PRKG1: variants seen among roughly 807,000 people sequenced by gnomAD.
The protein encoded by PRKG1 is protein kinase cGMP-dependent 1.
Under a neutral mutation model 88.1 loss-of-function variants are expected in PRKG1, and 35 were observed. The ratio of observed to expected loss-of-function variants is 0.40; its 90% CI spans 0.30 to 0.53. PRKG1 has a LOEUF of 0.53. PRKG1 is among the 20% of genes least tolerant of loss of function. PRKG1 has a pLI of 0.59. For missense variants in PRKG1, 540 were observed against 839.8 expected, an observed-to-expected ratio of 0.64 and a Z score of 4.41; for synonymous variants, 303 against 292.5, an observed-to-expected ratio of 1.04 and a Z score of -0.37.
chr10:51,652,223 G>A (rs939555779), intron 3 of PRKG1, among the ~76,000 whole-genome samples: 7 of 151,774 alleles, frequency 4.6e-5, no homozygotes, highest in African/African-American at 1.2e-4. Context: ...GATAGTTAAC[G>A]AAAGGATTCC....
chr10:51,969,314 C>A (rs1191123070), intron 5 of PRKG1, among the ~76,000 whole-genome samples: 2 of 152,054 alleles, frequency 1.3e-5, no homozygotes. Context: ...TGCCTCATAA[C>A]TTTGTGAGAA....
chr10:51,041,517 A>C (rs1453434693), intron 1 of PRKG1, among the ~76,000 whole-genome samples: 2 of 152,150 alleles, frequency 1.3e-5, no homozygotes, highest in African/African-American at 2.4e-5. Context: ...TTCAGGATCC[A>C]GTGGCTCTTT....
At chr10:51,813,217 AG>A (rs1177056445) in intron 4 of PRKG1, among the ~76,000 whole-genome samples, 3 of 152,236 alleles carry the variant, frequency 2.0e-5, no homozygotes, top group Non-Finnish European at 4.4e-5. Flanking sequence ...TTAGCAAAAA[AG>A]CATAAAGTAA....
rs574208418 is a variant in PRKG1, at chr10:51,590,026, A to G, written c.592+122190A>G. Among the ~76,000 whole-genome samples the G allele has an allele frequency of 1.1e-4, 16 of 152,292 alleles. No individual in the cohort carries two copies. In the East Asian group the frequency reaches 1.7e-3, roughly 17 times the overall value. On this transcript the variant is annotated intron_variant, in intron 3 of 17. Transcript: ENST00000373980. ...AGCCTGCTTACTGTTGGGAGAAAGTAGGTTAGATAAATTCACAAGGTCATT... is the reference window on the plus strand; with the variant it reads ...AGCCTGCTTACTGTTGGGAGAAAGTGGGTTAGATAAATTCACAAGGTCATT...
intron 2 of PRKG1, among the ~76,000 whole-genome samples, chr10:51,360,694 T>C (rs529985441): frequency 1.3e-5 from 2 of 152,056 alleles, no homozygotes; most frequent in East Asian, 3.9e-4. Context: ...TTTGTCTTTA[T>C]AGTTATTTTT....
chr10:52,269,215 T>C (rs1460513631), intron 10 of PRKG1, among the ~76,000 whole-genome samples: 1 of 152,122 alleles, frequency 6.6e-6, no homozygotes, highest in Non-Finnish European at 1.5e-5. Flanking sequence ...CTTCTCTGAA[T>C]TGTAGTACTC....
intron 1 of PRKG1, among the ~76,000 whole-genome samples, chr10:51,152,550 G>C (rs1401616613): frequency 1.3e-5 from 2 of 151,970 alleles, no homozygotes; most frequent in African/African-American, 4.8e-5. Flanking sequence ...ACATAAAGCT[G>C]TTAGGTTGGT....
chr10:52,144,802 G>T (rs1438987289), intron 8 of PRKG1, among the ~76,000 whole-genome samples: 1 of 152,066 alleles, frequency 6.6e-6, no homozygotes, highest in Non-Finnish European at 1.5e-5. Context: ...GGGCGACCGA[G>T]CAGACTCTGG....
chr10:52,062,686 T>A, intron 7 of PRKG1, 55 bp downstream of exon 7: 2 of 1,396,098 alleles, frequency 1.4e-6, no homozygotes, highest in Non-Finnish European at 2.0e-6. Context: ...TAAATTTCTG[T>A]CTGAAATTTT....
intron 2 of PRKG1, among the ~76,000 whole-genome samples, chr10:51,313,201 C>A (rs892771234): frequency 6.6e-6 from 1 of 151,878 alleles, no homozygotes; most frequent in African/African-American, 2.4e-5. Context: ...AAAGTCTAAA[C>A]CTAAATAATG....
chr10:51,034,947 A>C (rs976139374), intron 1 of PRKG1, among the ~76,000 whole-genome samples: 2 of 151,988 alleles, frequency 1.3e-5, no homozygotes, highest in Non-Finnish European at 2.9e-5. Context: ...TGCTGAGAAC[A>C]TTAACCTTGC....
chr10:51,351,456 G>A (rs979114876), intron 2 of PRKG1, among the ~76,000 whole-genome samples: 2 of 151,958 alleles, frequency 1.3e-5, no homozygotes, highest in African/African-American at 4.8e-5. Context: ...ATTCTAACTG[G>A]TATGACATGG....
chr10:51,528,503 CT>C (rs11315280), intron 3 of PRKG1, among the ~76,000 whole-genome samples: 81,498 of 151,518 alleles, frequency 0.54, 23,695 homozygotes, highest in Non-Finnish European at 0.66. Context: ...AGGAAAATCA[CT>C]TAGCTTAAGT....
chr10:51,806,199 C>T (rs192686144), intron 4 of PRKG1, among the ~76,000 whole-genome samples: 77 of 152,236 alleles, frequency 5.1e-4, no homozygotes, highest in Non-Finnish European at 8.7e-4. Flanking sequence ...GAAATGGTAA[C>T]CTATGGAATG....
intron 10 of PRKG1, among the ~76,000 whole-genome samples, chr10:52,270,100 G>A (rs919868269): frequency 6.6e-6 from 1 of 151,988 alleles, no homozygotes; most frequent in South Asian, 2.1e-4. Flanking sequence ...CTGTAGGGAG[G>A]GAAAATTCTG....
intron 1 of PRKG1, among the ~76,000 whole-genome samples, chr10:51,067,889 T>G (rs1261449738): frequency 6.6e-6 from 1 of 152,076 alleles, no homozygotes; most frequent in Admixed American, 6.5e-5. Context: ...ACACTAATAT[T>G]TATTCTTTAC....
chr10:51,393,249 C>A (rs1419370210), intron 2 of PRKG1, among the ~76,000 whole-genome samples: 1 of 151,358 alleles, frequency 6.6e-6, no homozygotes, highest in African/African-American at 2.4e-5. Context: ...ATGCTCCCCA[C>A]ATCTCAGACG....
At chr10:51,289,236 G>A (rs1255603746) in intron 2 of PRKG1, among the ~76,000 whole-genome samples, 2 of 152,254 alleles carry the variant, frequency 1.3e-5, no homozygotes, top group East Asian at 1.9e-4. Context: ...ACATTAATGG[G>A]CATCAGTGGT....
chr10:52,217,531 CAT>C (rs149549321), intron 9 of PRKG1, among the ~76,000 whole-genome samples: 1,982 of 152,140 alleles, frequency 0.013, 44 homozygotes, highest in African/African-American at 0.046. Flanking sequence ...TCAAATGGTA[CAT>C]AGAGAGATTT....
Sources: allele counts gnomAD v4.1 joint callset (sites outside exome capture counted in the v4.1 genomes callset), GRCh38; gene constraint gnomAD v4.1.1; transcripts MANE v1.5; gene names NCBI Gene and HGNC (gene_info 2026-07-23, HGNC 2026-07-21).